Variants in ENOX1 observed in about 807,000 individuals in gnomAD.
ENOX1 encodes ecto-NOX disulfide-thiol exchanger 1, also known as candidate growth-related and time keeping constitutive hydroquinone (NADH) oxidase.
Under a neutral mutation model 82.5 loss-of-function variants are expected in ENOX1, and 42 were observed. That is an observed-to-expected ratio of 0.51 (90% CI 0.40 to 0.66). The LOEUF (loss-of-function observed/expected upper bound fraction) is 0.66. Among genes scored for constraint, ENOX1 ranks in the 30% least tolerant of loss-of-function variants. ENOX1 has a pLI of 0.00. For missense variants in ENOX1, 608 were observed against 811.6 expected, an observed-to-expected ratio of 0.75 and a Z score of 3.05; for synonymous variants, 271 against 282.2, an observed-to-expected ratio of 0.96 and a Z score of 0.40.
intron 3 of ENOX1, among the ~76,000 whole-genome samples, chr13:43,454,925 C>G (rs2057154658): frequency 6.6e-6 from 1 of 151,966 alleles, no homozygotes; most frequent in Non-Finnish European, 1.5e-5. Flanking sequence ...CGTCCAGCCC[C>G]TCTGGTCTAG....
At chr13:43,280,959 A>G (rs959336294) in intron 12 of ENOX1, among the ~76,000 whole-genome samples, 1 of 152,186 alleles carries the variant, frequency 6.6e-6, no homozygotes, top group Non-Finnish European at 1.5e-5. Context: ...AAGTTATTTA[A>G]ACACATTTAG....
intron 12 of ENOX1, among the ~76,000 whole-genome samples, chr13:43,276,071 G>C (rs2045010346): frequency 6.6e-6 from 1 of 152,094 alleles, no homozygotes; most frequent in Non-Finnish European, 1.5e-5. Flanking sequence ...TACTCTTTTG[G>C]TTCAGTTTTA....
intron 3 of ENOX1, among the ~76,000 whole-genome samples, chr13:43,445,305 A>G (rs1007035295): frequency 6.6e-6 from 1 of 151,784 alleles, no homozygotes; most frequent in African/African-American, 2.4e-5. Context: ...TTGTATTTTT[A>G]GTAGAGATGG....
At chr13:43,592,920 A>C (rs1571467) in intron 2 of ENOX1, among the ~76,000 whole-genome samples, 147,956 of 152,304 alleles carry the variant, frequency 0.97, 72,006 homozygotes, top group Non-Finnish European at 1. Context: ...CCAGATACCC[A>C]TACAAAAACA....
chr13:43,246,331 G>A (rs1233332924), intron 14 of ENOX1, among the ~76,000 whole-genome samples: 2 of 152,316 alleles, frequency 1.3e-5, no homozygotes, highest in African/African-American at 4.8e-5. Context: ...GTTGCCGGTT[G>A]CGTGGATATT....
Position 43,232,958 on chromosome 13 carries a change from T to G in ENOX1, c.1714+3678A>C, listed in dbSNP as rs1215178134. On this transcript the variant is annotated intron_variant, in intron 15 of 16. Transcript: ENST00000690772. ...TATTAGCTTGTCAATAAAAAAAATT[T>G]GATCCATTTTTCCTTTATAACAATA... Among the ~76,000 whole-genome samples, 6 of 152,212 alleles carry G rather than the reference T, an allele frequency of 3.9e-5. No individual in the cohort carries two copies. The East Asian group carries it at 1.2e-3, about 29-fold the overall frequency.
At chr13:43,710,868 T>C (rs1039247578) in intron 1 of ENOX1, among the ~76,000 whole-genome samples, 7 of 145,658 alleles carry the variant, frequency 4.8e-5, no homozygotes, top group Non-Finnish European at 8.9e-5. Context: ...ATAAAAGAAA[T>C]ACCTTTTTTT....
chr13:43,596,853 G>A (rs2081496846), intron 2 of ENOX1, among the ~76,000 whole-genome samples: 1 of 152,224 alleles, frequency 6.6e-6, no homozygotes, highest in African/African-American at 2.4e-5. Flanking sequence ...GCTTGGGCAA[G>A]TGCTGTGCTA....
chr13:43,341,810 C>G (rs2049081872), intron 9 of ENOX1, among the ~76,000 whole-genome samples: 1 of 152,146 alleles, frequency 6.6e-6, no homozygotes, highest in Non-Finnish European at 1.5e-5. Context: ...GAGCAGCAGG[C>G]CCAGTCAAAA....
intron 14 of ENOX1, among the ~76,000 whole-genome samples, chr13:43,261,956 A>T (rs1593587272): frequency 6.6e-6 from 1 of 151,570 alleles, no homozygotes; most frequent in African/African-American, 2.4e-5. Context: ...AACCTGCACA[A>T]TGTGCACATG....
intron 3 of ENOX1, among the ~76,000 whole-genome samples, chr13:43,415,241 T>TG (rs1257583537): frequency 1.5e-4 from 21 of 144,378 alleles, no homozygotes; most frequent in African/African-American, 4.1e-4. Flanking sequence ...TGTTTTTTTT[T>TG]TTTTTTTTTT....
intron 16 of ENOX1, among the ~76,000 whole-genome samples, 181 bp from the exon 17 acceptor site, chr13:43,214,302 G>A (rs921764089): frequency 6.6e-5 from 10 of 152,104 alleles, no homozygotes; most frequent in South Asian, 2.1e-4. Context: ...CCCACCTCCC[G>A]AGCAGCTGGC....
chr13:43,453,694 G>A (rs902476865), intron 3 of ENOX1, among the ~76,000 whole-genome samples: 3 of 152,186 alleles, frequency 2.0e-5, no homozygotes, highest in African/African-American at 4.8e-5. Flanking sequence ...GAGCTAATAT[G>A]TAAACAGGTA....
intron 5 of ENOX1, among the ~76,000 whole-genome samples, chr13:43,371,969 T>G (rs1295150858): frequency 6.6e-6 from 1 of 152,220 alleles, no homozygotes; most frequent in Non-Finnish European, 1.5e-5. Flanking sequence ...ACGGGTAACA[T>G]AACTATCACT....
chr13:43,507,540 TAATCTAGCCA>T lies in ENOX1; in HGVS notation c.-218-23398_-218-23389del, dbSNP rs1158626029. Among the ~76,000 whole-genome samples, 4 of 152,078 alleles carry T rather than the reference TAATCTAGCCA, an allele frequency of 2.6e-5. No homozygotes were observed. In the East Asian group the frequency reaches 7.7e-4, roughly 29 times the overall value. ...AAAATTGTTTTTAACTTATATGTCT[TAATCTAGCCA>T]AATCTAGCCAAAATAATAAGTCACT... is the stretch of plus-strand genomic sequence containing the variant. On this transcript the variant is annotated intron_variant, in intron 2 of 16. Coordinates refer to ENST00000690772, the MANE Select transcript of ENOX1 (RefSeq NM_001347969.2).
intron 5 of ENOX1, among the ~76,000 whole-genome samples, chr13:43,368,366 G>C (rs2050990253): frequency 6.6e-6 from 1 of 152,186 alleles, no homozygotes; most frequent in Admixed American, 6.5e-5. Context: ...TTGAAAATAT[G>C]ACATGACACG....
At position 43,213,994 on chromosome 13, in the gene ENOX1, G is replaced by A; in HGVS notation, c.1928C>T (p.Thr643Ile). The change falls in exon 17 of 17, where the codon ACC (threonine) becomes ATC (isoleucine). Residue 643 changes from threonine to isoleucine, a missense_variant. By Grantham distance (89) the Thr-to-Ile change is moderately conservative. Coordinates refer to ENST00000690772, the MANE Select transcript of ENOX1 (RefSeq NM_001347969.2). ...GAGATGCTTTGCTCTTCGCAGTTAG[G>A]TAGTTTTAATTCCTTCAAAGGCACA... ...KLCAFEGIKT[T>I] is the part of the protein sequence containing the mutation. The A allele has an allele frequency of 2.5e-6, 4 of 1,613,448 alleles. No individual in the cohort carries two copies. Among genetic ancestry groups the A allele is most frequent in the Non-Finnish European group, 3.4e-6 (4 of 1,179,682 alleles).
At chr13:43,284,567 G>A (rs1322449062) in intron 12 of ENOX1, among the ~76,000 whole-genome samples, 1 of 152,140 alleles carries the variant, frequency 6.6e-6, no homozygotes, top group Middle Eastern at 3.2e-3. Flanking sequence ...TGTCTGGTGG[G>A]TCAGCAGGAT....
At chr13:43,776,314 A>T (rs551540257) in intron 1 of ENOX1, among the ~76,000 whole-genome samples, 1 of 152,226 alleles carries the variant, frequency 6.6e-6, no homozygotes, top group Non-Finnish European at 1.5e-5. Context: ...AACATGTATG[A>T]AAAAGAGGTG....
Sources: allele counts gnomAD v4.1 joint callset (sites outside exome capture counted in the v4.1 genomes callset), GRCh38; gene constraint gnomAD v4.1.1; transcripts MANE v1.5; gene names NCBI Gene and HGNC (gene_info 2026-07-23, HGNC 2026-07-21).